Variants in ARHGAP28 observed in about 807,000 individuals in gnomAD.
ARHGAP28 encodes rho GTPase-activating protein 28.
A neutral mutation model predicts 90.7 loss-of-function variants in ARHGAP28; 56 were observed. The ratio of observed to expected loss-of-function variants is 0.62; its 90% CI spans 0.50 to 0.77. ARHGAP28 has a LOEUF of 0.77. Among genes scored for constraint, ARHGAP28 ranks in the 30% least tolerant of loss-of-function variants. The pLI is 0.00. For synonymous variants in ARHGAP28, 308 were observed against 323.3 expected (o/e 0.95, Z 0.51); for missense variants, 869 against 900.9 (o/e 0.96, Z 0.45).
chr18:6,797,747 C>G (rs543606294), intron 1 of ARHGAP28, among the ~76,000 whole-genome samples: 4 of 152,004 alleles, frequency 2.6e-5, no homozygotes, highest in Non-Finnish European at 5.9e-5. Flanking sequence ...CTGCAAACTC[C>G]GCCTCCCGGG....
chr18:6,873,461 CTG>C lies in ARHGAP28; in HGVS notation c.1008_1009del (p.Ala337Ter). On this transcript the variant is annotated frameshift_variant, in exon 8 of 18. Transcript: ENST00000383472. LOFTEE classifies it high-confidence loss of function. Reference sequence around the variant, plus strand: ...GGCTTAACTGAAGCAGGAGATCTGTCTGCTGAAGACATGAAGAAAATCCGCCA... The same window carrying C: ...GGCTTAACTGAAGCAGGAGATCTGTCCTGAAGACATGAAGAAAATCCGCCA... The C allele has an allele frequency of 3.1e-6, 5 of 1,613,990 alleles. No individual in the cohort carries two copies. Among genetic ancestry groups the C allele is most frequent in the Non-Finnish European group, 4.2e-6 (5 of 1,179,982 alleles).
chr18:6,846,385 G>T (rs900143989), intron 3 of ARHGAP28, among the ~76,000 whole-genome samples: 1 of 152,030 alleles, frequency 6.6e-6, no homozygotes, highest in African/African-American at 2.4e-5. Flanking sequence ...CAGGTTCTTG[G>T]TCTCTCCTAA....
chr18:6,857,869 G>T (rs1164003787), intron 4 of ARHGAP28, among the ~76,000 whole-genome samples: 3 of 152,350 alleles, frequency 2.0e-5, no homozygotes, highest in Admixed American at 6.5e-5. Flanking sequence ...TTCCTTTGCA[G>T]TTGAGTAGAT....
intron 1 of ARHGAP28, among the ~76,000 whole-genome samples, chr18:6,819,430 T>G (rs2056612462): frequency 1.3e-5 from 2 of 152,168 alleles, no homozygotes; most frequent in East Asian, 1.9e-4. Context: ...AGAACTCTTG[T>G]GACATAAGCA....
chr18:6,762,715 G>A (rs918788368), intron 1 of ARHGAP28, among the ~76,000 whole-genome samples: 1 of 152,004 alleles, frequency 6.6e-6, no homozygotes. Context: ...TTAGGACAGA[G>A]GGAAGACTAA....
rs1199288127 is a variant in ARHGAP28, at chr18:6,913,827, G to A, written c.*1673G>A. 1 of 151,786 alleles carries A rather than the reference G, an allele frequency of 6.6e-6. No individual in the cohort carries two copies. The highest frequency in any genetic ancestry group is 1.5e-5 in the Non-Finnish European group (1 of 67,964). 9.4% of individuals were successfully genotyped at this position (151,786 alleles called of 1,614,324 possible). A position where few individuals can be genotyped will look rare whatever the true frequency, so the allele number is the denominator to read the frequency against. The stretch of plus-strand genomic sequence containing the variant: ...ACATTTTATTCATTTTTAATGTATG[G>A]GTAATTGGTGGCACATGACTTTACA... On this transcript the variant is annotated 3_prime_UTR_variant, in exon 18 of 18. Coordinates refer to ENST00000383472, the MANE Select transcript of ARHGAP28 (RefSeq NM_001366230.1).
intron 1 of ARHGAP28, among the ~76,000 whole-genome samples, chr18:6,822,268 G>A (rs1308428620): frequency 6.6e-6 from 1 of 151,530 alleles, no homozygotes; most frequent in Non-Finnish European, 1.5e-5. Flanking sequence ...ATTTTTTGAA[G>A]GAATTAGCCG....
chr18:6,837,107 T>C (rs970672643), intron 2 of ARHGAP28, 90 bp from the exon 3 acceptor site: 7 of 941,942 alleles, frequency 7.4e-6, no homozygotes, highest in Non-Finnish European at 1.1e-5. Context: ...AATACAAATA[T>C]TATTTACCAA....
At chr18:6,865,239 A>G (rs1193322149) in intron 5 of ARHGAP28, among the ~76,000 whole-genome samples, 1 of 152,156 alleles carries the variant, frequency 6.6e-6, no homozygotes, top group East Asian at 1.9e-4. Context: ...TAATGTTCTC[A>G]TTGTCTTAAT....
At chr18:6,873,841 A>T in intron 9 of ARHGAP28, 66 bp downstream of exon 9, 1 of 1,322,178 alleles carries the variant, frequency 7.6e-7, no homozygotes. Context: ...CACTTTGTAA[A>T]CCCACAAATG....
chr18:6,747,960 A>G (rs2056037900), intron 1 of ARHGAP28, among the ~76,000 whole-genome samples: 1 of 152,190 alleles, frequency 6.6e-6, no homozygotes, highest in Non-Finnish European at 1.5e-5. Flanking sequence ...ACTCGACACT[A>G]ATGAAACACT....
At chr18:6,911,391 G>A (rs574541122) in intron 17 of ARHGAP28, among the ~76,000 whole-genome samples, 14 of 50,256 alleles carry the variant, frequency 2.8e-4, no homozygotes, top group African/African-American at 6.5e-4. Flanking sequence ...TAAATGATGA[G>A]TTTATATGCT....
At chr18:6,867,492 CA>C (rs2057046322) in intron 5 of ARHGAP28, among the ~76,000 whole-genome samples, 1 of 152,068 alleles carries the variant, frequency 6.6e-6, no homozygotes, top group Non-Finnish European at 1.5e-5. Context: ...GATACCCATC[CA>C]GACCTAGGCA....
chr18:6,905,866 A>G (rs2057362154), intron 16 of ARHGAP28, among the ~76,000 whole-genome samples: 1 of 152,142 alleles, frequency 6.6e-6, no homozygotes, highest in South Asian at 2.1e-4. Context: ...TGAAAATTAC[A>G]AAATGCTGGT....
At chr18:6,836,556 C>A (rs188941326) in intron 2 of ARHGAP28, among the ~76,000 whole-genome samples, 148 of 152,060 alleles carry the variant, frequency 9.7e-4, no homozygotes, top group South Asian at 2.9e-3. Context: ...GAAGTCACCA[C>A]CAAGAGGTGA....
chr18:6,810,148 A>G (rs961555290), intron 1 of ARHGAP28, among the ~76,000 whole-genome samples: 3 of 152,204 alleles, frequency 2.0e-5, no homozygotes, highest in Admixed American at 6.5e-5. Context: ...ATTCCAAAGC[A>G]TCTACCTACA....
intron 1 of ARHGAP28, among the ~76,000 whole-genome samples, chr18:6,813,834 A>T (rs1315272478): frequency 6.6e-6 from 1 of 152,284 alleles, no homozygotes; most frequent in Admixed American, 6.5e-5. Flanking sequence ...TATCTATAAA[A>T]TGTGGTGATT....
chr18:6,886,349 T>G (rs28503734), intron 11 of ARHGAP28, among the ~76,000 whole-genome samples: 3,012 of 152,240 alleles, frequency 0.02, 88 homozygotes, highest in African/African-American at 0.068. Flanking sequence ...CTCTGGTGTA[T>G]TCTAAATTTT....
intron 1 of ARHGAP28, among the ~76,000 whole-genome samples, chr18:6,812,519 C>T (rs141216185): frequency 4.6e-4 from 70 of 152,220 alleles, no homozygotes; most frequent in African/African-American, 1.6e-3. Context: ...AGGAGGGAAA[C>T]CTTCCTGATT....
Sources: allele counts gnomAD v4.1 joint callset (sites outside exome capture counted in the v4.1 genomes callset), GRCh38; gene constraint gnomAD v4.1.1; transcripts MANE v1.5; gene names NCBI Gene and HGNC (gene_info 2026-07-23, HGNC 2026-07-21).